CD247: variants seen among roughly 807,000 people sequenced by gnomAD.
CD247 encodes the protein T-cell surface glycoprotein CD3 zeta chain.
Under a neutral mutation model 30.0 loss-of-function variants are expected in CD247, and 13 were observed. That is an observed-to-expected ratio of 0.43 (90% CI 0.28 to 0.69). The LOEUF (loss-of-function observed/expected upper bound fraction) is 0.69, where lower values mean the gene tolerates loss of function less well. Among genes scored for constraint, CD247 ranks in the 30% least tolerant of loss-of-function variants. The probability of loss-of-function intolerance (pLI) is 0.16; values close to 1 mark genes in which losing one functional copy is unlikely to be tolerated. For missense variants in CD247, 193 were observed against 212.6 expected (o/e 0.91, Z 0.57); for synonymous variants, 72 against 80.0 (o/e 0.90, Z 0.53).
intron 5 of CD247, chr1:167,434,618 C>T (rs1651439331): frequency 2.7e-6 from 1 of 371,116 alleles, no homozygotes; most frequent in Non-Finnish European, 5.3e-6. Context: ...GGGGTACACT[C>T]AGAAGACTTC....
chr1:167,438,395 A>G (rs565857906), intron 4 of CD247, among the ~76,000 whole-genome samples, 175 bp downstream of exon 4: 2 of 152,272 alleles, frequency 1.3e-5, no homozygotes, highest in East Asian at 3.9e-4. Context: ...AATGGAGCCA[A>G]GGAGGAAGGA....
chr1:167,445,153 T>C (rs1652020463), intron 1 of CD247, among the ~76,000 whole-genome samples: 1 of 152,146 alleles, frequency 6.6e-6, no homozygotes, highest in Non-Finnish European at 1.5e-5. Flanking sequence ...CTCAAACTCC[T>C]GACCTCAAGT....
intron 1 of CD247, among the ~76,000 whole-genome samples, chr1:167,452,577 C>T (rs974310152): frequency 6.6e-6 from 1 of 152,144 alleles, no homozygotes; most frequent in African/African-American, 2.4e-5. Flanking sequence ...AAATGTCACG[C>T]ACTGTGCTGG....
intron 1 of CD247, among the ~76,000 whole-genome samples, chr1:167,445,913 A>C (rs1163910434): frequency 1.3e-5 from 2 of 152,148 alleles, no homozygotes; most frequent in Non-Finnish European, 2.9e-5. Flanking sequence ...TCTAATTTCT[A>C]CTTTTAAAGT....
intron 1 of CD247, among the ~76,000 whole-genome samples, chr1:167,441,464 T>C (rs1651828010): frequency 6.6e-6 from 1 of 152,100 alleles, no homozygotes; most frequent in African/African-American, 2.4e-5. Context: ...CTCCATGGCC[T>C]CAGCCTTCTC....
At chr1:167,457,864 T>G (rs1369406717) in intron 1 of CD247, 1 of 152,240 alleles carries the variant, frequency 6.6e-6, no homozygotes, top group East Asian at 1.9e-4. Context: ...ACTGCAGGAC[T>G]GTAGGAAGCC....
chr1:167,463,154 C>T (rs115737749), intron 1 of CD247, among the ~76,000 whole-genome samples: 249 of 152,242 alleles, frequency 1.6e-3, no homozygotes, highest in African/African-American at 5.7e-3. Flanking sequence ...GGGTTGCTCT[C>T]GGCTGGTTAG....
chr1:167,465,865 T>C (rs1438434165), intron 1 of CD247, among the ~76,000 whole-genome samples: 2 of 152,232 alleles, frequency 1.3e-5, no homozygotes, highest in East Asian at 3.8e-4. Flanking sequence ...AGCAGTTCTT[T>C]GAGCAGTCAG....
intron 1 of CD247, among the ~76,000 whole-genome samples, chr1:167,473,531 A>G (rs553693981): frequency 7.9e-5 from 12 of 152,196 alleles, no homozygotes; most frequent in African/African-American, 2.9e-4. Flanking sequence ...CGCTGTTATT[A>G]TTCCCATTAG....
chr1:167,515,705 G>C (rs543012973), intron 1 of CD247, among the ~76,000 whole-genome samples: 1 of 152,310 alleles, frequency 6.6e-6, no homozygotes, highest in South Asian at 2.1e-4. Context: ...GCTGGTATGG[G>C]TGTGCCCAGA....
chr1:167,455,325 C>T (rs1019948505), intron 1 of CD247, among the ~76,000 whole-genome samples: 1 of 152,236 alleles, frequency 6.6e-6, no homozygotes, highest in South Asian at 2.1e-4. Flanking sequence ...AAAGCTACGC[C>T]GGGTGCACTG....
intron 1 of CD247, among the ~76,000 whole-genome samples, chr1:167,495,925 CTG>C (rs764293293): frequency 6.6e-6 from 1 of 152,190 alleles, no homozygotes; most frequent in South Asian, 2.1e-4. Context: ...TGCACCTTCT[CTG>C]TGTTATTTTT....
chr1:167,475,181 C>A (rs547134641), intron 1 of CD247, among the ~76,000 whole-genome samples: 9 of 152,236 alleles, frequency 5.9e-5, no homozygotes, highest in East Asian at 1.9e-4. Context: ...TGGGAAAAAA[C>A]CCCACCATTT....
At chr1:167,474,722 AG>A (rs1342323601) in intron 1 of CD247, among the ~76,000 whole-genome samples, 1 of 151,396 alleles carries the variant, frequency 6.6e-6, no homozygotes, top group Non-Finnish European at 1.5e-5. Flanking sequence ...TGAGCATATA[AG>A]AAAAACGACT....
At chr1:167,440,797 G>A in intron 1 of CD247, 30 bp from the exon 2 acceptor site, 1 of 1,491,712 alleles carries the variant, frequency 6.7e-7, no homozygotes, top group Non-Finnish European at 9.3e-7. Context: ...TGGTCAGCCA[G>A]GCCCAAGGTG....
At chr1:167,448,605 G>T in intron 1 of CD247, 1 of 844,386 alleles carries the variant, frequency 1.2e-6, no homozygotes, top group Non-Finnish European at 1.4e-6. Flanking sequence ...ACTGCAGAAC[G>T]ACTCCAGCTA....
chr1:167,471,473 C>G (rs562886793), intron 1 of CD247, among the ~76,000 whole-genome samples: 1 of 152,106 alleles, frequency 6.6e-6, no homozygotes, highest in Non-Finnish European at 1.5e-5. Context: ...ACCCAGTAAG[C>G]AAAAATAGTC....
intron 2 of CD247, 90 bp downstream of exon 2, chr1:167,440,574 G>A (rs528427784): frequency 1.3e-5 from 11 of 847,600 alleles, no homozygotes; most frequent in East Asian, 1.0e-4. Flanking sequence ...GGCACCACCC[G>A]AGCTTGAGAC....
At chr1:167,502,839 C>T (rs1654968166) in intron 1 of CD247, among the ~76,000 whole-genome samples, 1 of 152,156 alleles carries the variant, frequency 6.6e-6, no homozygotes, top group South Asian at 2.1e-4. Context: ...TTGCCAGCAA[C>T]CACCAGAAGC....
Sources: gnomAD v4.1 joint callset for allele counts (sites outside exome capture counted in the v4.1 genomes callset) on GRCh38, gnomAD v4.1.1 for gene constraint, MANE v1.5 for transcripts, NCBI Gene and HGNC (gene_info 2026-07-23, HGNC 2026-07-21) for gene names.